The following CSMD1 variants were observed in gnomAD, a reference collection of about 807,000 sequenced individuals.
The protein encoded by CSMD1 is CUB and Sushi multiple domains 1.
CSMD1 carries 213 observed loss-of-function variants against 417.5 expected under a neutral mutation model. The observed-to-expected ratio is 0.51, with a 90% CI of 0.46 to 0.57. The LOEUF (loss-of-function observed/expected upper bound fraction) is 0.57. Among genes scored for constraint, CSMD1 ranks in the 20% least tolerant of loss-of-function variants. The pLI, the probability that CSMD1 is intolerant of heterozygous loss-of-function variation, is 0.00. For missense variants in CSMD1, 6,923 were observed against 4,529.7 expected (o/e 1.53, Z -15.17); for synonymous variants, 2,862 against 1,736.8 (o/e 1.65, Z -16.11).
chr8:4,325,724 C>G (rs569025970), intron 3 of CSMD1, among the ~76,000 whole-genome samples: 1 of 152,226 alleles, frequency 6.6e-6, no homozygotes, highest in South Asian at 2.1e-4. Flanking sequence ...TAGATGGAAT[C>G]CAACACTGAG....
chr8:2,947,239 T>A (rs1802307552), intron 68 of CSMD1, among the ~76,000 whole-genome samples: 1 of 152,194 alleles, frequency 6.6e-6, no homozygotes, highest in South Asian at 2.1e-4. Flanking sequence ...ACGCAAGTTT[T>A]TGCATTAAAT....
At chr8:4,388,124 T>C (rs374910533) in intron 3 of CSMD1, among the ~76,000 whole-genome samples, 4 of 152,162 alleles carry the variant, frequency 2.6e-5, no homozygotes, top group African/African-American at 4.8e-5. Context: ...CCCAGCTAAA[T>C]GTAATTATTT....
At chr8:3,030,596 C>G (rs1485504821) in intron 50 of CSMD1, among the ~76,000 whole-genome samples, 2 of 151,956 alleles carry the variant, frequency 1.3e-5, no homozygotes, top group Non-Finnish European at 2.9e-5. Context: ...CCTGCCTCAG[C>G]CTCCCAAGTT....
rs1250679286 is a variant in CSMD1, at chr8:3,308,739, T to TTTTG, written c.3632-237_3632-236insCAAA. On this transcript the variant is annotated intron_variant, in intron 23 of 69. Transcript: ENST00000635120. ...GTTCCTCCCTACTTACAAGTTTTTT[T>TTTTG]TTTTTTTTTTTTTTGCTTTTGTTGC... 1.4e-5 allele frequency among the ~76,000 whole-genome samples: 2 copies of TTTTG among 147,706 alleles called. 1 individual carries two copies. Among genetic ancestry groups the TTTTG allele is most frequent in the African/African-American group, 5.0e-5 (2 of 40,010 alleles).
chr8:3,230,171 T>C lies in CSMD1; in HGVS notation c.4214A>G (p.Asp1405Gly), dbSNP rs1440982648. The change falls in exon 27 of 70, where the codon GAC becomes GGC. Residue 1405 changes from aspartate to glycine, a missense_variant. Coordinates refer to ENST00000635120, the MANE Select transcript of CSMD1 (RefSeq NM_033225.6). ...GMPQNGTRYGDSREAGDTVTF... is the reference protein window; with the variant it reads ...GMPQNGTRYGGSREAGDTVTF... Reference sequence around the variant, plus strand: ...GACGGTGTCTCCAGCCTCTCTGCTGTCTCCATAGCGGGTGCCATTTTGGGG... The same window carrying C: ...GACGGTGTCTCCAGCCTCTCTGCTGCCTCCATAGCGGGTGCCATTTTGGGG... 13 of 1,613,138 alleles carry C rather than the reference T, an allele frequency of 8.1e-6. No individual in the cohort carries two copies. Among genetic ancestry groups the C allele is most frequent in the African/African-American group, 2.7e-5 (2 of 74,878 alleles).
chr8:4,313,404 G>C (rs1390006041), intron 3 of CSMD1, among the ~76,000 whole-genome samples: 1 of 151,420 alleles, frequency 6.6e-6, no homozygotes, highest in East Asian at 2.0e-4. Flanking sequence ...AATGCGTTTA[G>C]TGTGAAGATG....
At position 2,984,679 on chromosome 8, in the gene CSMD1, G is replaced by A. The variant is rs73502834; in HGVS notation, c.8378-5879C>T. On this transcript the variant is annotated intron_variant, in intron 54 of 69. Coordinates refer to ENST00000635120, the MANE Select transcript of CSMD1 (RefSeq NM_033225.6). ...TTTACTTCATGAGTGCTGGATGAAC[G>A]GCCAGCGAAGATGAGCAAATAGAAG... Among the ~76,000 whole-genome samples, 1,155 of 152,318 alleles carry A rather than the reference G, an allele frequency of 7.6e-3. 12 individuals carry two copies. The highest frequency in any genetic ancestry group is 0.026 in the African/African-American group (1,089 of 41,576).
At chr8:3,122,937 T>A (rs958564180) in intron 41 of CSMD1, among the ~76,000 whole-genome samples, 1 of 152,228 alleles carries the variant, frequency 6.6e-6, no homozygotes, top group Non-Finnish European at 1.5e-5. Context: ...ACTGTTGGAA[T>A]CTTTTACATC....
intron 22 of CSMD1, among the ~76,000 whole-genome samples, chr8:3,345,839 C>A (rs1235389036): frequency 2.0e-5 from 3 of 152,168 alleles, no homozygotes; most frequent in Admixed American, 2.0e-4. Flanking sequence ...CCCAGTTTTA[C>A]AGAAACTATA....
intron 1 of CSMD1, among the ~76,000 whole-genome samples, chr8:4,772,730 T>G (rs1438085338): frequency 6.6e-6 from 1 of 152,200 alleles, no homozygotes; most frequent in Middle Eastern, 3.2e-3. Context: ...TGAATTCAGA[T>G]GAAGTGGATT....
chr8:3,777,309 C>G (rs532828814), intron 5 of CSMD1, among the ~76,000 whole-genome samples: 70 of 152,164 alleles, frequency 4.6e-4, no homozygotes, highest in African/African-American at 1.7e-3. Context: ...ATTTGTTGGA[C>G]AAATGACTGA....
chr8:3,607,711 G>A (rs941004779), intron 8 of CSMD1, among the ~76,000 whole-genome samples: 6 of 152,142 alleles, frequency 3.9e-5, no homozygotes, highest in African/African-American at 1.2e-4. Flanking sequence ...AAAATTTTAC[G>A]GAGAACTATT....
chr8:3,652,373 G>C (rs1797900297), intron 7 of CSMD1, among the ~76,000 whole-genome samples: 1 of 152,192 alleles, frequency 6.6e-6, no homozygotes, highest in African/African-American at 2.4e-5. Context: ...ACCACCATCA[G>C]AGCGCTTAGC....
intron 10 of CSMD1, among the ~76,000 whole-genome samples, chr8:3,563,533 C>G (rs1477477609): frequency 6.7e-6 from 1 of 148,522 alleles, no homozygotes; most frequent in South Asian, 2.2e-4. Flanking sequence ...CTCCCTGTAT[C>G]TTAAACCATA....
At chr8:3,642,139 T>C (rs1236016244) in intron 7 of CSMD1, among the ~76,000 whole-genome samples, 4 of 151,640 alleles carry the variant, frequency 2.6e-5, no homozygotes, top group Non-Finnish European at 4.4e-5. Flanking sequence ...CTCACACAAA[T>C]AGACAAAGAT....
At chr8:3,235,582 C>A (rs1327011115) in intron 26 of CSMD1, among the ~76,000 whole-genome samples, 4 of 152,230 alleles carry the variant, frequency 2.6e-5, no homozygotes, top group Non-Finnish European at 5.9e-5. Flanking sequence ...TTCTAAAAAT[C>A]ATTGTTTAAT....
intron 4 of CSMD1, among the ~76,000 whole-genome samples, chr8:4,004,558 T>G (rs1031862110): frequency 1.3e-5 from 2 of 152,058 alleles, no homozygotes; most frequent in East Asian, 1.9e-4. Flanking sequence ...AGCAACCTAA[T>G]TTGGTATTAT....
intron 3 of CSMD1, among the ~76,000 whole-genome samples, chr8:4,302,272 G>C (rs1008035484): frequency 3.2e-4 from 48 of 152,270 alleles, no homozygotes; most frequent in Admixed American, 6.5e-5. Context: ...TGGGAAAATA[G>C]GTAAGAGATA....
rs1175241679 is a variant in CSMD1 at position 4,066,226 on chromosome 8, T to TC, written c.416-34128dup. On this transcript the variant is annotated intron_variant, in intron 3 of 69. Coordinates refer to ENST00000635120, the MANE Select transcript of CSMD1 (RefSeq NM_033225.6). Reference sequence around the variant, plus strand: ...TCAACTGCCAGTCATGGGCAACGCCTCCTTCCTTCTTTGTCTCCTGTTCCC... The same window carrying TC: ...TCAACTGCCAGTCATGGGCAACGCCTCCCTTCCTTCTTTGTCTCCTGTTCCC... 1.1e-4 allele frequency among the ~76,000 whole-genome samples: 16 copies of TC among 152,344 alleles called. No homozygotes were observed. In the East Asian group the frequency reaches 2.9e-3, roughly 28 times the overall value.
Sources: allele counts gnomAD v4.1 joint callset (sites outside exome capture counted in the v4.1 genomes callset), GRCh38; gene constraint gnomAD v4.1.1; transcripts MANE v1.5; gene names NCBI Gene and HGNC (gene_info 2026-07-23, HGNC 2026-07-21).